Variants in SEL1L observed in about 807,000 individuals in gnomAD.
SEL1L encodes protein sel-1 homolog 1.
SEL1L carries 52 observed loss-of-function variants against 109.8 expected under a neutral mutation model. The observed-to-expected ratio is 0.47, with a 90% CI of 0.38 to 0.60. SEL1L has a LOEUF of 0.60. Among genes scored for constraint, SEL1L ranks in the 20% least tolerant of loss-of-function variants. The pLI, the probability that SEL1L is intolerant of heterozygous loss-of-function variation, is 0.00. For missense variants in SEL1L, 749 were observed against 962.2 expected, an observed-to-expected ratio of 0.78 and a Z score of 2.93; for synonymous variants, 373 against 339.6, an observed-to-expected ratio of 1.10 and a Z score of -1.08.
intron 1 of SEL1L, 115 bp from the exon 2 acceptor site, chr14:81,527,853 C>A: frequency 1.4e-5 from 9 of 644,116 alleles, no homozygotes; most frequent in South Asian, 2.5e-5. Context: ...GATAAATAAA[C>A]ATAGAATTAT....
At chr14:81,522,168 TAAAAA>T (rs1031200025) in intron 3 of SEL1L, among the ~76,000 whole-genome samples, 2 of 152,126 alleles carry the variant, frequency 1.3e-5, no homozygotes, top group African/African-American at 2.4e-5. Context: ...GTTTATAAAC[TAAAAA>T]AGTTACCATA....
rs113537670 is a variant in SEL1L, at chr14:81,526,105, T to C, written c.340+628A>G. Among the ~76,000 whole-genome samples, 463 of 152,296 alleles carry C rather than the reference T, an allele frequency of 3.0e-3. 4 individuals carry two copies. Among genetic ancestry groups the C allele is most frequent in the Middle Eastern group, 6.8e-3 (2 of 294 alleles). On this transcript the variant is annotated intron_variant, in intron 3 of 20. Coordinates refer to ENST00000336735, the MANE Select transcript of SEL1L (RefSeq NM_005065.6). ...TAATAAACAGATAAGGCAGTGATCA[T>C]TGAAATAATAAATGACAGAAGGGCA...
At chr14:81,501,315 A>T (rs1291138127) in intron 6 of SEL1L, among the ~76,000 whole-genome samples, 1 of 152,134 alleles carries the variant, frequency 6.6e-6, no homozygotes, top group Non-Finnish European at 1.5e-5. Context: ...ATTTTCATGG[A>T]GAGGGTGCTT....
chr14:81,481,530 T>C (rs533949537), intron 19 of SEL1L, among the ~76,000 whole-genome samples: 1 of 152,370 alleles, frequency 6.6e-6, no homozygotes, highest in Admixed American at 6.5e-5. Context: ...ATGTGATTCA[T>C]ACATTGGATG....
chr14:81,513,778 G>C lies in SEL1L; in HGVS notation c.341-7537C>G, dbSNP rs191646504. ...ACCACCCCCAACTCTTCGGAATTGG[G>C]AGCGTTGGTTTGCCTGGAACCAGCT... On this transcript the variant is annotated intron_variant, in intron 3 of 20. Transcript: ENST00000336735. Among the ~76,000 whole-genome samples, 111 of 152,246 alleles carry C rather than the reference G, an allele frequency of 7.3e-4. 1 individual carries two copies. The highest frequency in any genetic ancestry group is 2.5e-3 in the African/African-American group (105 of 41,546).
rs879869575 is a variant in SEL1L at position 81,472,701 on chromosome 14, T to C, written c.*4271A>G. 7 of 272,844 alleles carry C rather than the reference T, an allele frequency of 2.6e-5. No individual in the cohort carries two copies. Among genetic ancestry groups the C allele is most frequent in the Non-Finnish European group, 4.3e-5 (6 of 139,722 alleles). 16.9% of individuals were successfully genotyped at this position (272,844 alleles called of 1,614,324 possible). ...ACAAAGATATCAGAGATTTAAAAGA[T>C]AACATTTCTTAGCAAATTCATGTTC... On this transcript the variant is annotated 3_prime_UTR_variant, in exon 21 of 21. Coordinates refer to ENST00000336735, the MANE Select transcript of SEL1L (RefSeq NM_005065.6).
intron 10 of SEL1L, among the ~76,000 whole-genome samples, chr14:81,497,687 T>C (rs1036439495): frequency 6.6e-6 from 1 of 151,780 alleles, no homozygotes; most frequent in African/African-American, 2.4e-5. Flanking sequence ...CTAGGCCCCA[T>C]CCCACACTAA....
chr14:81,516,240 G>A (rs1234486322), intron 3 of SEL1L, among the ~76,000 whole-genome samples: 1 of 152,136 alleles, frequency 6.6e-6, no homozygotes, highest in South Asian at 2.1e-4. Flanking sequence ...TAACCATTGA[G>A]GGCCAGGAAA....
rs1595512060 is a variant in SEL1L at position 81,495,259 on chromosome 14, G to C, written c.1129-122C>G. ...CTGTTCATGACTCAAAAAACAAAAAGATTTAGTCTTAACTCCTGAAAATGC... is the reference window on the plus strand; with the variant it reads ...CTGTTCATGACTCAAAAAACAAAAACATTTAGTCTTAACTCCTGAAAATGC... On this transcript the variant is annotated intron_variant, in intron 10 of 20. Coordinates refer to ENST00000336735, the MANE Select transcript of SEL1L (RefSeq NM_005065.6). 5 of 821,706 alleles carry C rather than the reference G, an allele frequency of 6.1e-6. No homozygotes were observed. The East Asian group carries it at 1.3e-4, about 22-fold the overall frequency. The allele number at this position is 821,706 out of a possible 1,614,324, so 50.9% of individuals were successfully genotyped here. A position where few individuals can be genotyped will look rare whatever the true frequency, so the allele number is the denominator to read the frequency against.
At chr14:81,501,980 C>CA (rs1437766132) in intron 6 of SEL1L, among the ~76,000 whole-genome samples, 1 of 150,826 alleles carries the variant, frequency 6.6e-6, no homozygotes, top group Non-Finnish European at 1.5e-5. Flanking sequence ...CTAATATAGA[C>CA]AAAAAAGGCA....
intron 19 of SEL1L, 96 bp downstream of exon 19, chr14:81,484,128 CA>C: frequency 7.7e-7 from 1 of 1,302,802 alleles, no homozygotes; most frequent in Non-Finnish European, 1.1e-6. Context: ...GCCTGAAATC[CA>C]ACTGAATGTC....
In SEL1L at chr14:81,474,176, C is replaced by T. The variant is rs1438850056; in HGVS notation, c.*2796G>A. 6.6e-6 allele frequency: 1 copy of T among 151,144 alleles called. No homozygotes were observed. The highest frequency in any genetic ancestry group is 2.4e-5 in the African/African-American group (1 of 41,152). 9.4% of individuals were successfully genotyped at this position (151,144 alleles called of 1,614,324 possible). A position where few individuals can be genotyped will look rare whatever the true frequency, so the allele number is the denominator to read the frequency against. ...TCATCTTTGATTTACTTTTTCTTTG[C>T]CATTGACTGCTAATCAAAAATAAGC... On this transcript the variant is annotated 3_prime_UTR_variant, in exon 21 of 21. Transcript: ENST00000336735.
chr14:81,518,198 C>T (rs192515867), intron 3 of SEL1L, among the ~76,000 whole-genome samples: 148 of 151,216 alleles, frequency 9.8e-4, no homozygotes, highest in African/African-American at 3.2e-3. Flanking sequence ...CGGCTTGGGA[C>T]GGAACTTCTT....
intron 19 of SEL1L, 68 bp downstream of exon 19, chr14:81,484,157 T>C: frequency 6.7e-7 from 1 of 1,487,456 alleles, no homozygotes; most frequent in Non-Finnish European, 9.2e-7. Context: ...GTCTATTTTC[T>C]ATACAAATGC....
At chr14:81,495,981 A>T (rs1054735890) in intron 10 of SEL1L, among the ~76,000 whole-genome samples, 1 of 152,094 alleles carries the variant, frequency 6.6e-6, no homozygotes, top group Non-Finnish European at 1.5e-5. Flanking sequence ...AAAAACACAA[A>T]GTATCCTGCT....
chr14:81,505,219 TTAAA>T (rs1884191819), intron 4 of SEL1L, among the ~76,000 whole-genome samples: 2 of 152,230 alleles, frequency 1.3e-5, no homozygotes, highest in Admixed American at 1.3e-4. Flanking sequence ...AAAATTTTTA[TTAAA>T]TATAGAAACT....
intron 3 of SEL1L, among the ~76,000 whole-genome samples, chr14:81,512,022 A>T (rs1884497935): frequency 6.6e-6 from 1 of 152,230 alleles, no homozygotes; most frequent in South Asian, 2.1e-4. Context: ...TATTTTTACA[A>T]ATGGCTTCTT....
At chr14:81,504,728 C>T (rs1216214121) in intron 4 of SEL1L, among the ~76,000 whole-genome samples, 1 of 151,932 alleles carries the variant, frequency 6.6e-6, no homozygotes, top group South Asian at 2.1e-4. Context: ...TGGTGAGAGG[C>T]GACTAGATCA....
chr14:81,476,723 A>T lies in SEL1L; in HGVS notation c.*249T>A. 1 of 464,804 alleles carries T rather than the reference A, an allele frequency of 2.2e-6. No individual in the cohort carries two copies. 28.8% of individuals were successfully genotyped at this position (464,804 alleles called of 1,614,324 possible). ...GTCTCACATATGTTTCCAGAAAAGA[A>T]AAAAAAAAGCCACTGAAAGTTGTTA... On this transcript the variant is annotated 3_prime_UTR_variant, in exon 21 of 21. Coordinates refer to ENST00000336735, the MANE Select transcript of SEL1L (RefSeq NM_005065.6).
Sources: allele counts gnomAD v4.1 joint callset (sites outside exome capture counted in the v4.1 genomes callset), GRCh38; gene constraint gnomAD v4.1.1; transcripts MANE v1.5; gene names NCBI Gene and HGNC (gene_info 2026-07-23, HGNC 2026-07-21).